The following ATP8B1 variants were observed in gnomAD, a reference collection of about 807,000 sequenced individuals.
ATP8B1 encodes the protein phospholipid-transporting ATPase IC.
Under a neutral mutation model 149.9 loss-of-function variants are expected in ATP8B1, and 80 were observed. The ratio of observed to expected loss-of-function variants is 0.53; its 90% CI spans 0.45 to 0.64. The LOEUF is 0.64. Ranked by LOEUF, ATP8B1 falls within the 30% of genes least tolerant of loss-of-function variation. The pLI is 0.00. For missense variants in ATP8B1, 1,247 were observed against 1,552.6 expected (o/e 0.80, Z 3.31); for synonymous variants, 536 against 562.8 (o/e 0.95, Z 0.67).
chr18:57,661,633 A>G lies in ATP8B1; in HGVS notation c.2419-171T>C, dbSNP rs539276887. Reference sequence around the variant, plus strand: ...CATGTATATATATGTGTGCGTGTGTATGTATATACACACGCACACATATAT... The same window carrying G: ...CATGTATATATATGTGTGCGTGTGTGTGTATATACACACGCACACATATAT... On this transcript the variant is annotated intron_variant, in intron 21 of 27. Coordinates refer to ENST00000648908, the MANE Select transcript of ATP8B1 (RefSeq NM_001374385.1). Among the ~76,000 whole-genome samples, 8 of 135,928 alleles carry G rather than the reference A, an allele frequency of 5.9e-5. No individual in the cohort carries two copies. In the East Asian group the frequency reaches 8.7e-4, roughly 15 times the overall value. 89.2% of individuals were successfully genotyped at this position (135,928 alleles called of 152,430 possible).
intron 22 of ATP8B1, among the ~76,000 whole-genome samples, chr18:57,660,319 G>A (rs765427199): frequency 6.6e-6 from 1 of 152,144 alleles, no homozygotes; most frequent in Non-Finnish European, 1.5e-5. Flanking sequence ...GCACGTGGAA[G>A]CTTTTCTTCA....
At chr18:57,695,102 A>G (rs1912738913) in intron 10 of ATP8B1, 69 bp downstream of exon 10, 1 of 1,542,778 alleles carries the variant, frequency 6.5e-7, no homozygotes, top group Non-Finnish European at 8.9e-7. Flanking sequence ...GACAAAGGAC[A>G]GAAAAGCAAT....
At chr18:57,778,249 G>A (rs1373324747) in intron 1 of ATP8B1, among the ~76,000 whole-genome samples, 2 of 141,862 alleles carry the variant, frequency 1.4e-5, no homozygotes, top group Non-Finnish European at 3.0e-5. Context: ...TTTTTGAGAC[G>A]GAGTCTCGCT....
At chr18:57,718,825 T>G (rs2079609856) in intron 2 of ATP8B1, among the ~76,000 whole-genome samples, 1 of 152,130 alleles carries the variant, frequency 6.6e-6, no homozygotes, top group Non-Finnish European at 1.5e-5. Flanking sequence ...TCAACATCAC[T>G]TCATGATAAA....
At chr18:57,704,729 C>T in intron 3 of ATP8B1, 61 bp from the exon 4 acceptor site, 1 of 1,040,270 alleles carries the variant, frequency 9.6e-7, no homozygotes, top group Non-Finnish European at 1.5e-6. Context: ...GTATACACAT[C>T]TGCAAAAGTC....
intron 2 of ATP8B1, among the ~76,000 whole-genome samples, chr18:57,709,099 A>G (rs555703331): frequency 6.6e-6 from 1 of 152,238 alleles, no homozygotes; most frequent in East Asian, 1.9e-4. Context: ...CAAGTAATCA[A>G]TAACCCTATT....
At position 57,654,003 on chromosome 18, in the gene ATP8B1, G is replaced by A; in HGVS notation, c.3004C>T (p.Leu1002=). The A allele has an allele frequency of 1.9e-6, 3 of 1,613,774 alleles. No homozygotes were observed. The highest frequency in any genetic ancestry group is 2.5e-6 in the Non-Finnish European group (3 of 1,179,766). Residue 1002 remains leucine (L), a synonymous_variant, in exon 24 of 28, where the codon CTG becomes TTG. Coordinates refer to ENST00000648908, the MANE Select transcript of ATP8B1 (RefSeq NM_001374385.1). The part of the protein sequence containing the change: ...YTSLPVLLMG[L]LDQDVSDKLS... Reference sequence around the variant, plus strand: ...TGCGAGGCTCCTACCTGGTCGAGCAGCCCCATGAGGAGCACGGGCAGGCTG... The same window carrying A: ...TGCGAGGCTCCTACCTGGTCGAGCAACCCCATGAGGAGCACGGGCAGGCTG...
chr18:57,699,880 C>T (rs1377731949), intron 6 of ATP8B1, among the ~76,000 whole-genome samples: 1 of 152,122 alleles, frequency 6.6e-6, no homozygotes, highest in African/African-American at 2.4e-5. Flanking sequence ...TGTACCATAC[C>T]TACCTACACT....
chr18:57,715,252 C>A (rs1390671337), intron 2 of ATP8B1, among the ~76,000 whole-genome samples: 1 of 151,774 alleles, frequency 6.6e-6, no homozygotes, highest in African/African-American at 2.4e-5. Flanking sequence ...ACTTTTAATA[C>A]CAGGATTGAA....
At chr18:57,720,486 A>G (rs2079632854) in intron 2 of ATP8B1, among the ~76,000 whole-genome samples, 1 of 102,956 alleles carries the variant, frequency 9.7e-6, no homozygotes, top group Non-Finnish European at 2.0e-5. Flanking sequence ...AACTGGAAGA[A>G]AGGGTATCAG....
chr18:57,668,700 T>C (rs1478392980), intron 18 of ATP8B1, 160 bp from the exon 19 acceptor site: 3 of 581,986 alleles, frequency 5.2e-6, no homozygotes, highest in Non-Finnish European at 9.0e-6. Flanking sequence ...AAGGCTGCCA[T>C]GTTTCACAAT....
Position 57,669,389 on chromosome 18 carries a change from C to A in ATP8B1, c.2026G>T (p.Ala676Ser). 2 of 1,613,968 alleles carry A rather than the reference C, an allele frequency of 1.2e-6. No homozygotes were observed. The highest frequency in any genetic ancestry group is 1.7e-6 in the Non-Finnish European group (2 of 1,179,918). Residue 676 changes from alanine (A) to serine (S), a missense_variant, in exon 18 of 28, where the codon GCC becomes TCC. Physicochemically the swap from Ala to Ser is moderately conservative, Grantham distance 99. Coordinates refer to ENST00000648908, the MANE Select transcript of ATP8B1 (RefSeq NM_001374385.1). ...TCCCGGTTGGTGGAGGCCACACTGG[C>A]AGCCATAAACTTTTTATTCCATTCT... is the stretch of plus-strand genomic sequence containing the variant. ...FTEWNKKFMAASVASTNRDEA... is the reference protein window; with the variant it reads ...FTEWNKKFMASSVASTNRDEA...
intron 1 of ATP8B1, among the ~76,000 whole-genome samples, chr18:57,756,208 TATAC>T (rs1330227070): frequency 5.9e-5 from 5 of 84,724 alleles, no homozygotes; most frequent in Admixed American, 1.1e-4. Flanking sequence ...TATATATATA[TATAC>T]ACACACACAC....
intron 21 of ATP8B1, among the ~76,000 whole-genome samples, chr18:57,661,696 C>CACATATATATAT (rs775312497): frequency 1.1e-5 from 1 of 90,400 alleles, no homozygotes; most frequent in African/African-American, 4.1e-5. Flanking sequence ...CACACACACA[C>CACATATATATAT]ATATATATAT....
intron 13 of ATP8B1, among the ~76,000 whole-genome samples, chr18:57,687,189 A>T (rs1184363551): frequency 6.6e-6 from 1 of 152,206 alleles, no homozygotes; most frequent in African/African-American, 2.4e-5. Context: ...ACTGTTGTGC[A>T]GCTGTTTCAT....
intron 2 of ATP8B1, among the ~76,000 whole-genome samples, chr18:57,717,871 G>A (rs1404595141): frequency 6.6e-6 from 1 of 151,212 alleles, no homozygotes; most frequent in Non-Finnish European, 1.5e-5. Flanking sequence ...GAGTAGCTAG[G>A]AGTAGCCAGG....
chr18:57,707,589 A>T (rs542672867), intron 2 of ATP8B1, among the ~76,000 whole-genome samples: 1 of 148,514 alleles, frequency 6.7e-6, no homozygotes, highest in East Asian at 2.1e-4. Flanking sequence ...GCTCACTGCA[A>T]CCTCTGCCTC....
At chr18:57,688,923 G>A (rs1298071570) in intron 12 of ATP8B1, among the ~76,000 whole-genome samples, 1 of 152,110 alleles carries the variant, frequency 6.6e-6, no homozygotes, top group Non-Finnish European at 1.5e-5. Flanking sequence ...AATTTCGAAG[G>A]TCTTTTGTTA....
intron 1 of ATP8B1, chr18:57,736,945 G>T (rs1203103231): frequency 2.6e-5 from 4 of 152,078 alleles, no homozygotes; most frequent in African/African-American, 9.7e-5. Context: ...TGACTGTGAA[G>T]GTACTATATG....
Sources: allele counts gnomAD v4.1 joint callset (sites outside exome capture counted in the v4.1 genomes callset), GRCh38; gene constraint gnomAD v4.1.1; transcripts MANE v1.5; gene names NCBI Gene and HGNC (gene_info 2026-07-23, HGNC 2026-07-21).